Variants in PTPRN2 observed in about 807,000 individuals in gnomAD.
The protein encoded by PTPRN2 is receptor-type tyrosine-protein phosphatase N2.
Under a neutral mutation model 118.8 loss-of-function variants are expected in PTPRN2, and 74 were observed. The ratio of observed to expected loss-of-function variants is 0.62; its 90% confidence interval spans 0.52 to 0.76. The LOEUF is 0.76. Ranked by LOEUF, PTPRN2 falls within the 30% of genes least tolerant of loss-of-function variation. The probability of loss-of-function intolerance (pLI) is 0.00; values close to 1 mark genes in which losing one functional copy is unlikely to be tolerated. For missense variants in PTPRN2, 1,481 were observed against 1,394.4 expected, an observed-to-expected ratio of 1.06 and a Z score of -0.99; for synonymous variants, 641 against 608.0, an observed-to-expected ratio of 1.05 and a Z score of -0.80.
At position 158,555,150 on chromosome 7, in the gene PTPRN2, G is replaced by A. The variant is rs1288483064; in HGVS notation, c.112+32408C>T. 1.3e-5 allele frequency among the ~76,000 whole-genome samples: 2 copies of A among 152,244 alleles called. No individual in the cohort carries two copies. Among genetic ancestry groups the A allele is most frequent in the South Asian group, 2.1e-4 (1 of 4,822 alleles). On this transcript the variant is annotated intron_variant, in intron 1 of 22. Transcript: ENST00000389418. This position sits in a 1 kb window ranked among gnomAD's most constrained non-coding sequence, Gnocchi z 4.7. The stretch of plus-strand genomic sequence containing the variant: ...AGCCTGTGAGAACAAACGGATCTCC[G>A]GTGCTCAGCAGACTGATCTACTGCA...
intron 2 of PTPRN2, among the ~76,000 whole-genome samples, chr7:158,371,943 C>G (rs79943020): frequency 2.6e-5 from 4 of 152,226 alleles, no homozygotes; most frequent in Non-Finnish European, 5.9e-5. Flanking sequence ...GGACGTAGCG[C>G]ACTCAGCGTC....
chr7:158,566,702 G>T (rs1052431719), intron 1 of PTPRN2, among the ~76,000 whole-genome samples: 15 of 151,588 alleles, frequency 9.9e-5, no homozygotes, highest in South Asian at 4.2e-4. Context: ...TTAAAGTGGG[G>T]TTTTTTTTGT....
At chr7:158,140,809 C>A (rs1819308376) in intron 6 of PTPRN2, among the ~76,000 whole-genome samples, 1 of 152,230 alleles carries the variant, frequency 6.6e-6, no homozygotes, top group Non-Finnish European at 1.5e-5. Context: ...GTGTATACTC[C>A]CCCTCAACAG....
chr7:157,642,822 A>AAAAAAAAAAAAAAAAAAAAC (rs1804762344), intron 14 of PTPRN2, among the ~76,000 whole-genome samples: 1 of 135,606 alleles, frequency 7.4e-6, no homozygotes, highest in African/African-American at 3.1e-5. Flanking sequence ...AGCAAAAAAA[A>AAAAAAAAAAAAAAAAAAAAC]AAAAAAAAAA....
At chr7:157,659,720 C>T (rs1795801027) in intron 13 of PTPRN2, among the ~76,000 whole-genome samples, 1 of 151,976 alleles carries the variant, frequency 6.6e-6, no homozygotes, top group Admixed American at 6.6e-5. Context: ...AAAAAAACCC[C>T]ACAAAGGATA....
At chr7:157,692,261 C>G (rs867120847) in intron 12 of PTPRN2, among the ~76,000 whole-genome samples, 2 of 152,116 alleles carry the variant, frequency 1.3e-5, no homozygotes, top group Admixed American at 1.3e-4. Flanking sequence ...CGCCCGCTCC[C>G]GGCCCCTCCG....
At chr7:157,701,015 G>C (rs1798041616) in intron 12 of PTPRN2, among the ~76,000 whole-genome samples, 1 of 152,234 alleles carries the variant, frequency 6.6e-6, no homozygotes, top group Admixed American at 6.5e-5. Flanking sequence ...CGCACACGTG[G>C]AGACAGGCGA....
rs990922133 is a variant in PTPRN2, at chr7:157,845,999, C to T, written c.1788+52674G>A. 3.3e-5 allele frequency among the ~76,000 whole-genome samples: 5 copies of T among 152,222 alleles called. No individual in the cohort carries two copies. Among genetic ancestry groups the T allele is most frequent in the African/African-American group, 9.6e-5 (4 of 41,530 alleles). On this transcript the variant is annotated intron_variant, in intron 12 of 22. Transcript: ENST00000389418. This position sits in a 1 kb window ranked among gnomAD's most constrained non-coding sequence, Gnocchi z 4.5. ...TCCTTTCCTCAAACAACACAAACTA[C>T]GGAGGAAGGGAGTGGTAAAATTTGA...
At position 157,784,174 on chromosome 7, in the gene PTPRN2, G is replaced by A. The variant is rs1244656360; in HGVS notation, c.1789-101237C>T. ...GCAGGGCACAGGCAGCTCAACGTTA[G>A]GCCAGGGACCAATCTTACCACGTGG... is the stretch of plus-strand genomic sequence containing the variant. On this transcript the variant is annotated intron_variant, in intron 12 of 22. Coordinates refer to ENST00000389418, the MANE Select transcript of PTPRN2 (RefSeq NM_002847.5). This position sits in a 1 kb window ranked among gnomAD's most constrained non-coding sequence, Gnocchi z 4.6. Among the ~76,000 whole-genome samples the A allele has an allele frequency of 6.6e-6, 1 of 152,102 alleles. No homozygotes were observed. The highest frequency in any genetic ancestry group is 2.4e-5 in the African/African-American group (1 of 41,412).
At chr7:158,230,652 A>T (rs1189948274) in intron 3 of PTPRN2, among the ~76,000 whole-genome samples, 2 of 150,542 alleles carry the variant, frequency 1.3e-5, no homozygotes, top group African/African-American at 4.9e-5. Context: ...CAACTACAAT[A>T]AAAAAAAACT....
intron 2 of PTPRN2, among the ~76,000 whole-genome samples, chr7:158,376,213 A>G (rs933572465): frequency 1.3e-5 from 2 of 152,192 alleles, no homozygotes; most frequent in African/African-American, 4.8e-5. Context: ...AGCACGCAGC[A>G]GCCAAACAGA....
At chr7:158,402,662 G>A (rs868595164) in intron 2 of PTPRN2, among the ~76,000 whole-genome samples, 3 of 152,202 alleles carry the variant, frequency 2.0e-5, no homozygotes, top group African/African-American at 4.8e-5. Flanking sequence ...CAAGCCCTGC[G>A]ATGTTCCTGC....
At chr7:158,344,652 A>AC (rs778165597) in intron 2 of PTPRN2, among the ~76,000 whole-genome samples, 8 of 152,268 alleles carry the variant, frequency 5.3e-5, no homozygotes, top group Admixed American at 1.3e-4. Flanking sequence ...CACGTAACCC[A>AC]CCAAGAAAGA....
chr7:158,387,577 A>ACTCTCTGGGTCCTGGGGGGACT (rs1586542379), intron 2 of PTPRN2, among the ~76,000 whole-genome samples: 522 of 150,946 alleles, frequency 3.5e-3, no homozygotes, highest in Non-Finnish European at 4.2e-3. Context: ...CTGTCAGCTC[A>ACTCTCTGGGTCCTGGGGGGACT]GCTTGGCCCG....
At chr7:157,904,305 G>A (rs547463854) in intron 11 of PTPRN2, among the ~76,000 whole-genome samples, 2 of 152,186 alleles carry the variant, frequency 1.3e-5, no homozygotes, top group Non-Finnish European at 2.9e-5. Context: ...CCCACAGGCC[G>A]GTTCCTTCAC....
At chr7:158,107,833 G>A (rs989719030) in intron 10 of PTPRN2, among the ~76,000 whole-genome samples, 5 of 150,972 alleles carry the variant, frequency 3.3e-5, no homozygotes, top group Admixed American at 6.6e-5. Context: ...GTGGATATCT[G>A]CATCTGCCCT....
intron 1 of PTPRN2, among the ~76,000 whole-genome samples, chr7:158,585,585 C>T (rs185123541): frequency 7.2e-5 from 11 of 152,338 alleles, no homozygotes; most frequent in Non-Finnish European, 1.3e-4. Context: ...CAAAATAACA[C>T]TGCTGCATTG....
chr7:158,374,213 GA>G, intron 2 of PTPRN2, among the ~76,000 whole-genome samples: 1 of 152,302 alleles, frequency 6.6e-6, no homozygotes, highest in East Asian at 1.9e-4. Context: ...TGAAGGGGAA[GA>G]GCTGGGTCTC....
chr7:157,892,157 G>A (rs977287209), intron 12 of PTPRN2, among the ~76,000 whole-genome samples: 2 of 151,414 alleles, frequency 1.3e-5, no homozygotes, highest in East Asian at 2.0e-4. Flanking sequence ...TGTCTATCAC[G>A]ATGCTTAGAA....
Sources: allele counts gnomAD v4.1 joint callset (sites outside exome capture counted in the v4.1 genomes callset), GRCh38; gene constraint gnomAD v4.1.1; non-coding constraint Gnocchi (gnomAD v3.1); transcripts MANE v1.5; gene names NCBI Gene and HGNC (gene_info 2026-07-23, HGNC 2026-07-21).